MAN1A2: variants seen among roughly 807,000 people sequenced by gnomAD.
The protein encoded by MAN1A2 is mannosidase alpha class 1A member 2.
Under a neutral mutation model 75.7 loss-of-function variants are expected in MAN1A2, and 26 were observed. The ratio of observed to expected loss-of-function variants is 0.34; its 90% confidence interval spans 0.25 to 0.48. The LOEUF is 0.48. MAN1A2 is among the 20% of genes least tolerant of loss of function. MAN1A2 has a pLI of 0.99. For synonymous variants in MAN1A2, 247 were observed against 264.6 expected (o/e 0.93, Z 0.65); for missense variants, 562 against 775.5 (o/e 0.72, Z 3.27).
At chr1:117,445,872 G>GTATATATATA (rs1300576603) in intron 6 of MAN1A2, among the ~76,000 whole-genome samples, 3 of 114,120 alleles carry the variant, frequency 2.6e-5, no homozygotes, top group Admixed American at 1.7e-4. Flanking sequence ...GTGTGTGTGT[G>GTATATATATA]TCTGTGTGTG....
chr1:117,473,461 G>A (rs998112649), intron 8 of MAN1A2, among the ~76,000 whole-genome samples: 8 of 151,952 alleles, frequency 5.3e-5, no homozygotes, highest in African/African-American at 1.9e-4. Flanking sequence ...TTTTTACAAA[G>A]TAAGTCACAT....
chr1:117,374,149 A>G (rs542664450), intron 1 of MAN1A2, among the ~76,000 whole-genome samples: 1 of 152,218 alleles, frequency 6.6e-6, no homozygotes, highest in East Asian at 1.9e-4. Flanking sequence ...ATACTCGCAC[A>G]TGCACACAGC....
chr1:117,367,963 G>T lies in MAN1A2; in HGVS notation c.-221G>T, dbSNP rs147277758. On this transcript the variant is annotated 5_prime_UTR_variant, in exon 1 of 13. Transcript: ENST00000356554. The stretch of plus-strand genomic sequence containing the variant: ...AAGTACAGATGTTGAAGAGGATATC[G>T]CAGGACCTAAACTTGTGATCGTTTG... 3.7e-6 allele frequency: 2 copies of T among 539,940 alleles called. No homozygotes were observed. Among genetic ancestry groups the T allele is most frequent in the Non-Finnish European group, 3.3e-6 (1 of 305,202 alleles). The allele number at this position is 539,940 out of a possible 1,614,324, so 33.4% of individuals were successfully genotyped here.
Position 117,479,528 on chromosome 1 carries a change from C to T in MAN1A2, c.1168+13101C>T, listed in dbSNP as rs61805819. Among the ~76,000 whole-genome samples the T allele has an allele frequency of 5.6e-3, 858 of 152,054 alleles. 5 individuals carry two copies. The highest frequency in any genetic ancestry group is 8.9e-3 in the Non-Finnish European group (605 of 67,922). On this transcript the variant is annotated intron_variant, in intron 8 of 12. Transcript: ENST00000356554. Reference sequence around the variant, plus strand: ...GATCTTCAAGGAATCAGCACACTGTCTTCCACAATGGTTGAAATAATTTAC... The same window carrying T: ...GATCTTCAAGGAATCAGCACACTGTTTTCCACAATGGTTGAAATAATTTAC...
chr1:117,383,555 G>A (rs1653423141), intron 1 of MAN1A2, among the ~76,000 whole-genome samples: 2 of 152,036 alleles, frequency 1.3e-5, no homozygotes, highest in Non-Finnish European at 2.9e-5. Context: ...TAAAGATTTG[G>A]CAGAATTCAC....
intron 1 of MAN1A2, among the ~76,000 whole-genome samples, chr1:117,384,380 T>TA (rs1653451958): frequency 1.3e-5 from 2 of 152,312 alleles, no homozygotes; most frequent in African/African-American, 4.8e-5. Flanking sequence ...TAAGAGTGTG[T>TA]TGTTTAATAT....
intron 7 of MAN1A2, among the ~76,000 whole-genome samples, chr1:117,465,622 A>G (rs1203562355): frequency 1.3e-5 from 2 of 152,162 alleles, no homozygotes; most frequent in African/African-American, 4.8e-5. Flanking sequence ...TGTAATGACA[A>G]TATTCTCAAA....
At chr1:117,449,729 G>C (rs529801400) in intron 6 of MAN1A2, among the ~76,000 whole-genome samples, 1 of 152,316 alleles carries the variant, frequency 6.6e-6, no homozygotes, top group South Asian at 2.1e-4. Context: ...ACACAAGAAT[G>C]ATGAGAAAGT....
intron 1 of MAN1A2, among the ~76,000 whole-genome samples, chr1:117,377,025 T>A (rs1653169674): frequency 6.6e-6 from 1 of 152,202 alleles, no homozygotes; most frequent in African/African-American, 2.4e-5. Context: ...TGGAACCAAT[T>A]CCTCATGGAT....
At chr1:117,450,424 G>A (rs1445656042) in intron 6 of MAN1A2, among the ~76,000 whole-genome samples, 3 of 152,180 alleles carry the variant, frequency 2.0e-5, no homozygotes, top group Non-Finnish European at 4.4e-5. Flanking sequence ...CAGAAAATTT[G>A]CAGCCTGACA....
chr1:117,414,683 T>A, intron 3 of MAN1A2, 30 bp from the exon 4 acceptor site: 2 of 1,163,522 alleles, frequency 1.7e-6, no homozygotes, highest in Non-Finnish European at 2.6e-6. Flanking sequence ...GGGATCTTTT[T>A]AATGATAATT....
intron 2 of MAN1A2, among the ~76,000 whole-genome samples, chr1:117,402,659 C>T (rs755336685): frequency 4.0e-5 from 6 of 150,952 alleles, no homozygotes; most frequent in Non-Finnish European, 8.9e-5. Flanking sequence ...ATTTTTGATA[C>T]AACTTTTGGA....
At chr1:117,435,005 G>A (rs1229391615) in intron 5 of MAN1A2, among the ~76,000 whole-genome samples, 1 of 151,948 alleles carries the variant, frequency 6.6e-6, no homozygotes, top group Non-Finnish European at 1.5e-5. Context: ...TAGATTGATG[G>A]TACGATAGTT....
In MAN1A2 at chr1:117,525,010, A is replaced by T; in HGVS notation, c.*2053A>T. 2.2e-6 allele frequency: 1 copy of T among 457,974 alleles called. No individual in the cohort carries two copies. Among genetic ancestry groups the T allele is most frequent in the Non-Finnish European group, 4.5e-6 (1 of 220,592 alleles). 28.4% of individuals were successfully genotyped at this position (457,974 alleles called of 1,614,324 possible). ...TGGCAAAGATGCAGAGCAGCAGTGC[A>T]GATGGCAATGAACTCTCTGAATTCT... is the stretch of plus-strand genomic sequence containing the variant. On this transcript the variant is annotated 3_prime_UTR_variant, in exon 13 of 13. Transcript: ENST00000356554.
chr1:117,444,086 T>C (rs1415949956), intron 6 of MAN1A2, among the ~76,000 whole-genome samples: 1 of 152,114 alleles, frequency 6.6e-6, no homozygotes, highest in African/African-American at 2.4e-5. Context: ...GTTTATTTGG[T>C]TTATCACTTT....
intron 8 of MAN1A2, among the ~76,000 whole-genome samples, chr1:117,479,661 A>G (rs1650429936): frequency 1.3e-5 from 2 of 151,876 alleles, no homozygotes; most frequent in African/African-American, 2.4e-5. Flanking sequence ...ATGGTTTTTC[A>G]TGGTGGTTTT....
chr1:117,449,622 T>C (rs903864700), intron 6 of MAN1A2, among the ~76,000 whole-genome samples: 14 of 151,162 alleles, frequency 9.3e-5, no homozygotes, highest in African/African-American at 2.7e-4. Flanking sequence ...AAAGCTGAGA[T>C]AGGCCAAAAG....
chr1:117,420,625 A>T lies in MAN1A2; in HGVS notation c.831A>T (p.Ala277=), dbSNP rs752243525. ...VNIRFIGGLL[A]AYYLSGEEIF... is the part of the protein sequence containing the mutation. The stretch of plus-strand genomic sequence containing the variant: ...TTCGATTTATTGGAGGCCTACTTGC[A>T]GCATATTACCTATCAGGAGAGGAGG... Residue 277 remains alanine, a synonymous_variant, in exon 5 of 13, where the codon GCA becomes GCT. Coordinates refer to ENST00000356554, the MANE Select transcript of MAN1A2 (RefSeq NM_006699.5). 1 of 1,612,946 alleles carries T rather than the reference A, an allele frequency of 6.2e-7. No individual in the cohort carries two copies. Among genetic ancestry groups the T allele is most frequent in the African/African-American group, 1.3e-5 (1 of 75,002 alleles).
In MAN1A2 at chr1:117,527,010, G is replaced by A. The variant is rs778115120; in HGVS notation, c.*4053G>A. ...ATACTCTTTGTTAACAAACACAGTT[G>A]AAAACTGGTTTCGGCTGCACAAATA... On this transcript the variant is annotated 3_prime_UTR_variant, in exon 13 of 13. Transcript: ENST00000356554. 1 of 150,734 alleles carries A rather than the reference G, an allele frequency of 6.6e-6. No individual in the cohort carries two copies. Among genetic ancestry groups the A allele is most frequent in the East Asian group, 2.0e-4 (1 of 5,122 alleles). The allele number at this position is 150,734 out of a possible 1,614,324, so 9.3% of individuals were successfully genotyped here. A position where few individuals can be genotyped will look rare whatever the true frequency, so the allele number is the denominator to read the frequency against.
Sources: allele counts gnomAD v4.1 joint callset (sites outside exome capture counted in the v4.1 genomes callset), GRCh38; gene constraint gnomAD v4.1.1; transcripts MANE v1.5; gene names NCBI Gene and HGNC (gene_info 2026-07-23, HGNC 2026-07-21).